CALN1: variants seen among roughly 807,000 people sequenced by gnomAD.
CALN1 encodes the protein calcium-binding protein 8.
CALN1 carries 17 observed loss-of-function variants against 30.6 expected under a neutral mutation model. That is an observed-to-expected ratio of 0.56 (90% CI 0.38 to 0.83). The LOEUF (loss-of-function observed/expected upper bound fraction) is 0.83. Among genes scored for constraint, CALN1 ranks in the 40% least tolerant of loss-of-function variants. The pLI is 0.00. For missense variants in CALN1, 291 were observed against 354.9 expected (o/e 0.82, Z 1.45); for synonymous variants, 156 against 131.4 (o/e 1.19, Z -1.28).
At chr7:72,332,734 T>C (rs1488572913) in intron 2 of CALN1, among the ~76,000 whole-genome samples, 2 of 152,264 alleles carry the variant, frequency 1.3e-5, no homozygotes, top group East Asian at 1.9e-4. Flanking sequence ...TTATTGACGT[T>C]GTTAGCCAGA....
intron 3 of CALN1, among the ~76,000 whole-genome samples, chr7:72,269,055 C>A (rs1227194961): frequency 6.6e-6 from 1 of 152,118 alleles, no homozygotes; most frequent in Non-Finnish European, 1.5e-5. Flanking sequence ...AATTTCCCAA[C>A]CACAATTCAC....
At chr7:71,944,001 G>A (rs1377766793) in intron 5 of CALN1, among the ~76,000 whole-genome samples, 2 of 152,142 alleles carry the variant, frequency 1.3e-5, no homozygotes, top group Non-Finnish European at 2.9e-5. Context: ...CTCAAGTTTT[G>A]GAACCTGACA....
chr7:72,024,590 G>C (rs890660125), intron 4 of CALN1, among the ~76,000 whole-genome samples: 3 of 151,896 alleles, frequency 2.0e-5, no homozygotes, highest in Admixed American at 6.6e-5. Context: ...GTAGAGACAG[G>C]GTTTCACCAT....
At chr7:72,387,431 A>G (rs1805299877) in intron 2 of CALN1, among the ~76,000 whole-genome samples, 1 of 152,162 alleles carries the variant, frequency 6.6e-6, no homozygotes, top group South Asian at 2.1e-4. Flanking sequence ...AGGATACAGT[A>G]CGGAAAGAGG....
chr7:72,206,040 T>G (rs1791855489), intron 3 of CALN1, among the ~76,000 whole-genome samples: 1 of 152,158 alleles, frequency 6.6e-6, no homozygotes, highest in Admixed American at 6.5e-5. Context: ...CAGCACCACT[T>G]TTCATTATTA....
intron 5 of CALN1, among the ~76,000 whole-genome samples, chr7:71,914,702 G>A (rs563120291): frequency 1.8e-4 from 27 of 151,752 alleles, no homozygotes; most frequent in African/African-American, 6.3e-4. Context: ...AAACTTGCCA[G>A]CATCTGTTAT....
chr7:72,107,846 C>T (rs1183609945), intron 3 of CALN1, among the ~76,000 whole-genome samples: 3 of 152,150 alleles, frequency 2.0e-5, no homozygotes, highest in Non-Finnish European at 4.4e-5. Flanking sequence ...GGGGTTCTCC[C>T]ACTCAGCTCG....
At chr7:71,967,238 C>G (rs1289528120) in intron 5 of CALN1, among the ~76,000 whole-genome samples, 5 of 152,076 alleles carry the variant, frequency 3.3e-5, no homozygotes, top group Non-Finnish European at 7.3e-5. Flanking sequence ...GCAAACTGAA[C>G]TTCACAATAA....
intron 3 of CALN1, among the ~76,000 whole-genome samples, chr7:72,117,271 C>T (rs531550429): frequency 2.6e-5 from 4 of 152,110 alleles, no homozygotes; most frequent in Non-Finnish European, 5.9e-5. Context: ...GAGCTATGAT[C>T]ATACCACACT....
chr7:72,325,145 T>G (rs944903824), intron 2 of CALN1, among the ~76,000 whole-genome samples: 3 of 149,232 alleles, frequency 2.0e-5, no homozygotes, highest in Admixed American at 1.3e-4. Flanking sequence ...ACAAAAAAAT[T>G]TTAAAAGTAG....
chr7:72,487,654 C>A, the CALN1 span, among the ~76,000 whole-genome samples: 2 of 142,712 alleles, frequency 1.4e-5, no homozygotes, highest in Admixed American at 1.5e-4. Flanking sequence ...CCAGTGCACT[C>A]CAGCCTGGGC....
chr7:72,292,579 G>A (rs966547463), intron 2 of CALN1, among the ~76,000 whole-genome samples: 4 of 151,422 alleles, frequency 2.6e-5, no homozygotes, highest in East Asian at 2.0e-4. Flanking sequence ...CCAGCACTTT[G>A]GGAGGCCAAG....
chr7:71,794,918 C>T (rs930691008), intron 6 of CALN1, among the ~76,000 whole-genome samples: 3 of 152,376 alleles, frequency 2.0e-5, no homozygotes, highest in African/African-American at 7.2e-5. Flanking sequence ...TTCCCCGCTT[C>T]CTGGCTCTGT....
intron 2 of CALN1, among the ~76,000 whole-genome samples, chr7:72,347,235 TC>T (rs1241227291): frequency 6.6e-6 from 1 of 151,736 alleles, no homozygotes; most frequent in Admixed American, 6.6e-5. Context: ...CAATTTTTTT[TC>T]TTTTTTTTTT....
intron 1 of CALN1, among the ~76,000 whole-genome samples, chr7:72,420,294 G>T (rs1432799810): frequency 6.6e-6 from 1 of 152,094 alleles, no homozygotes; most frequent in Non-Finnish European, 1.5e-5. Context: ...GGTCCATCCT[G>T]CCTTGGCTGG....
At chr7:72,187,746 T>C (rs147823187) in intron 3 of CALN1, among the ~76,000 whole-genome samples, 206 of 152,296 alleles carry the variant, frequency 1.4e-3, no homozygotes, top group African/African-American at 4.8e-3. Flanking sequence ...TTTTCGTGTA[T>C]ACGTGTGATT....
At chr7:71,887,217 C>CT (rs796096166) in intron 5 of CALN1, among the ~76,000 whole-genome samples, 9 of 152,276 alleles carry the variant, frequency 5.9e-5, no homozygotes, top group African/African-American at 2.2e-4. Flanking sequence ...GAAACTCATA[C>CT]TCAAGTGTTT....
chr7:71,793,739 G>T (rs111415541), intron 6 of CALN1, among the ~76,000 whole-genome samples: 1 of 152,066 alleles, frequency 6.6e-6, no homozygotes, highest in African/African-American at 2.4e-5. Context: ...AACTGAGCAC[G>T]GTGTTGTGTG....
chr7:72,311,405 T>C (rs1176806204), intron 2 of CALN1, among the ~76,000 whole-genome samples: 2 of 152,172 alleles, frequency 1.3e-5, no homozygotes, highest in East Asian at 3.9e-4. Flanking sequence ...AAAAGTTATG[T>C]GAATTTTTTA....
Sources: allele counts gnomAD v4.1 joint callset (sites outside exome capture counted in the v4.1 genomes callset), GRCh38; gene constraint gnomAD v4.1.1; transcripts MANE v1.5; gene names NCBI Gene and HGNC (gene_info 2026-07-23, HGNC 2026-07-21).